ARHGAP8: variants seen among roughly 807,000 people sequenced by gnomAD.
ARHGAP8 encodes the protein rho GTPase-activating protein 8.
A neutral mutation model predicts 46.1 loss-of-function variants in ARHGAP8; 62 were observed. That is an observed-to-expected ratio of 1.34 (90% CI 1.10 to 1.66). The LOEUF (loss-of-function observed/expected upper bound fraction) is 1.66, where lower values mean the gene tolerates loss of function less well. Among genes scored for constraint, ARHGAP8 ranks in the 40% most tolerant of loss-of-function variants. The pLI, the probability that ARHGAP8 is intolerant of heterozygous loss-of-function variation, is 0.00. For missense variants in ARHGAP8, 923 were observed against 568.4 expected (o/e 1.62, Z -6.34); for synonymous variants, 375 against 243.1 (o/e 1.54, Z -5.05).
chr22:44,862,608 T>TAGAGA lies in ARHGAP8; in HGVS notation c.*13_*14insAGAGA, dbSNP rs2070556227. 1 of 1,531,952 alleles carries TAGAGA rather than the reference T, an allele frequency of 6.5e-7. No homozygotes were observed. The highest frequency in any genetic ancestry group is 8.8e-7 in the Non-Finnish European group (1 of 1,138,312). 94.9% of individuals were successfully genotyped at this position (1,531,952 alleles called of 1,614,324 possible). A position where few individuals can be genotyped will look rare whatever the true frequency, so the allele number is the denominator to read the frequency against. On this transcript the variant is annotated 3_prime_UTR_variant, in exon 12 of 12. Coordinates refer to ENST00000356099, the MANE Select transcript of ARHGAP8 (RefSeq NM_181335.3). ...AAGACGTCTCTAGTGTTGCGAACAC[T>TAGAGA]CTGTATATTTCGAGCTACCTCCCAC... is the stretch of plus-strand genomic sequence containing the variant.
At chr22:44,797,048 G>T (rs1602188589) in intron 2 of ARHGAP8, among the ~76,000 whole-genome samples, 1 of 152,216 alleles carries the variant, frequency 6.6e-6, no homozygotes, top group East Asian at 1.9e-4. Context: ...CCTTTCCCCT[G>T]GACCCTGGGG....
At chr22:44,821,782 G>A (rs1223076445) in intron 5 of ARHGAP8, among the ~76,000 whole-genome samples, 1 of 152,236 alleles carries the variant, frequency 6.6e-6, no homozygotes. Context: ...TTGCCCTGGG[G>A]CACAAGAGGA....
chr22:44,759,409 G>A (rs116602012), intron 1 of ARHGAP8, among the ~76,000 whole-genome samples: 1,702 of 152,272 alleles, frequency 0.011, 32 homozygotes, highest in African/African-American at 0.039. Flanking sequence ...GCATCAGGAC[G>A]CTTTTGGCTG....
intron 7 of ARHGAP8, among the ~76,000 whole-genome samples, chr22:44,835,574 T>C (rs929658175): frequency 2.6e-5 from 4 of 152,148 alleles, no homozygotes; most frequent in Admixed American, 6.5e-5. Context: ...TGAGCCAAGA[T>C]CGCGCCACTG....
At chr22:44,805,636 G>C (rs765616541) in intron 3 of ARHGAP8, among the ~76,000 whole-genome samples, 7 of 152,212 alleles carry the variant, frequency 4.6e-5, no homozygotes, top group Non-Finnish European at 1.0e-4. Context: ...CCATCACCTG[G>C]TGCTTTTTTC....
At chr22:44,783,090 T>C (rs1926965370) in intron 1 of ARHGAP8, among the ~76,000 whole-genome samples, 2 of 122,652 alleles carry the variant, frequency 1.6e-5, no homozygotes, top group Admixed American at 1.9e-4. Context: ...TGGGCCAGGC[T>C]GCCCCACTCC....
intron 1 of ARHGAP8, among the ~76,000 whole-genome samples, chr22:44,763,491 C>CAAAAA (rs370437700): frequency 3.8e-5 from 3 of 78,500 alleles, no homozygotes; most frequent in Non-Finnish European, 7.2e-5. Context: ...GACTCTGTCT[C>CAAAAA]AAAAAAAAAA....
intron 2 of ARHGAP8, among the ~76,000 whole-genome samples, chr22:44,794,799 T>C (rs1312137775): frequency 6.6e-6 from 1 of 152,026 alleles, no homozygotes; most frequent in Non-Finnish European, 1.5e-5. Context: ...ACCCAACTTC[T>C]CTGTCATGGC....
rs373728436 is a variant in ARHGAP8, at chr22:44,767,472, GAA to G, written c.-72+14848_-72+14849del. On this transcript the variant is annotated intron_variant, in intron 1 of 11. Coordinates refer to ENST00000356099, the MANE Select transcript of ARHGAP8 (RefSeq NM_181335.3). ...TAGCCTGATACCATTATCACACTAA[GAA>G]AATTACCAGCAATTCCTTAATGTGA... Among the ~76,000 whole-genome samples, 221 of 152,102 alleles carry G rather than the reference GAA, an allele frequency of 1.5e-3. 1 individual carries two copies. Among genetic ancestry groups the G allele is most frequent in the African/African-American group, 5.1e-3 (210 of 41,490 alleles).
chr22:44,860,312 G>C (rs2147201354), intron 11 of ARHGAP8, among the ~76,000 whole-genome samples: 1 of 152,272 alleles, frequency 6.6e-6, no homozygotes, highest in South Asian at 2.1e-4. Context: ...GAGGCTAGCA[G>C]TCCAAAAGCA....
At chr22:44,847,942 T>A (rs1202323318) in intron 8 of ARHGAP8, 31 bp from the exon 9 acceptor site, 9 of 1,604,262 alleles carry the variant, frequency 5.6e-6, no homozygotes, top group Non-Finnish European at 7.6e-6. Flanking sequence ...GGCTGGGACC[T>A]GTGAGATGCC....
intron 3 of ARHGAP8, 28 bp from the exon 4 acceptor site, chr22:44,808,279 A>C: frequency 6.3e-7 from 1 of 1,599,192 alleles, no homozygotes; most frequent in Non-Finnish European, 8.5e-7. Context: ...GGTGATTTTC[A>C]TAACTGAATC....
intron 7 of ARHGAP8, among the ~76,000 whole-genome samples, chr22:44,835,520 C>A (rs566212215): frequency 4.6e-5 from 7 of 152,258 alleles, no homozygotes; most frequent in African/African-American, 1.7e-4. Flanking sequence ...ACTCAGGAGG[C>A]TGAGGCAGGA....
At chr22:44,853,259 C>G (rs1022448418) in intron 10 of ARHGAP8, among the ~76,000 whole-genome samples, 26 of 152,126 alleles carry the variant, frequency 1.7e-4, no homozygotes, top group African/African-American at 6.3e-4. Context: ...CTGGGTGTTC[C>G]GGTGAACTTT....
intron 11 of ARHGAP8, among the ~76,000 whole-genome samples, chr22:44,860,097 T>G (rs1219785511): frequency 6.6e-6 from 1 of 152,064 alleles, no homozygotes; most frequent in East Asian, 1.9e-4. Flanking sequence ...GCCAGTGACT[T>G]TTGTTATTGG....
chr22:44,775,655 G>A (rs1008389278), intron 1 of ARHGAP8, among the ~76,000 whole-genome samples: 14 of 151,928 alleles, frequency 9.2e-5, no homozygotes, highest in African/African-American at 3.1e-4. Flanking sequence ...TCATCATGTC[G>A]GCTGGGCTGG....
At chr22:44,851,677 A>C (rs1341320879) in intron 10 of ARHGAP8, among the ~76,000 whole-genome samples, 1 of 152,134 alleles carries the variant, frequency 6.6e-6, no homozygotes, top group East Asian at 1.9e-4. Context: ...CATCTCTACA[A>C]AAGATTTTAA....
At chr22:44,845,201 G>A (rs976004748) in intron 7 of ARHGAP8, 68 bp from the exon 8 acceptor site, 80 of 1,589,140 alleles carry the variant, frequency 5.0e-5, no homozygotes, top group Non-Finnish European at 5.7e-5. Flanking sequence ...GAGGACCAGC[G>A]CCTCTTCTCA....
At position 44,825,428 on chromosome 22, in the gene ARHGAP8, C is replaced by T. The variant is rs114896130; in HGVS notation, c.486-55C>T. The T allele has an allele frequency of 1.7e-3, 2,684 of 1,570,546 alleles. 44 individuals carry two copies. In the African/African-American group the frequency reaches 0.031, roughly 18 times the overall value. On this transcript the variant is annotated intron_variant, in intron 6 of 11. Coordinates refer to ENST00000356099, the MANE Select transcript of ARHGAP8 (RefSeq NM_181335.3). ...GGCATCCAGCCCCACCCAGCGCCTC[C>T]GTGGCTGCCAGCTGCCCCTGCCAGG...
Sources: gnomAD v4.1 joint callset for allele counts (sites outside exome capture counted in the v4.1 genomes callset) on GRCh38, gnomAD v4.1.1 for gene constraint, MANE v1.5 for transcripts, NCBI Gene and HGNC (gene_info 2026-07-23, HGNC 2026-07-21) for gene names.